The following CFAP45 variants were observed in gnomAD, a reference collection of about 807,000 sequenced individuals.
CFAP45 encodes cilia and flagella associated protein 45.
In CFAP45, 43 loss-of-function variants were observed where a neutral mutation model predicts 75.6. That is an observed-to-expected ratio of 0.57 (90% CI 0.45 to 0.73). The LOEUF (loss-of-function observed/expected upper bound fraction) is 0.73, where lower values mean the gene tolerates loss of function less well. CFAP45 is among the 30% of genes least tolerant of loss of function. The pLI is 0.00. For missense variants in CFAP45, 689 were observed against 701.5 expected (o/e 0.98, Z 0.20); for synonymous variants, 223 against 244.6 (o/e 0.91, Z 0.82).
chr1:159,887,162 A>G (rs1649708677), intron 5 of CFAP45, among the ~76,000 whole-genome samples: 1 of 152,214 alleles, frequency 6.6e-6, no homozygotes, highest in Non-Finnish European at 1.5e-5. Context: ...AAGATTTTTA[A>G]GCTGGAAGAG....
Position 159,899,923 on chromosome 1 carries a change from C to T in CFAP45, c.3+173G>A, listed in dbSNP as rs189543548. On this transcript the variant is annotated intron_variant, in intron 1 of 11. Coordinates refer to ENST00000368099, the MANE Select transcript of CFAP45 (RefSeq NM_012337.3). ...TCGTTATCGATGCTATCCCTAATTC[C>T]TCTTTTGAACCCACCTCAGGATCTC... 3 of 636,884 alleles carry T rather than the reference C, an allele frequency of 4.7e-6. No individual in the cohort carries two copies. In the Admixed American group the frequency reaches 9.4e-5, roughly 20 times the overall value. 39.5% of individuals were successfully genotyped at this position (636,884 alleles called of 1,614,324 possible).
chr1:159,887,712 T>C, intron 5 of CFAP45, 129 bp downstream of exon 5: 1 of 926,984 alleles, frequency 1.1e-6, no homozygotes, highest in East Asian at 2.6e-5. Flanking sequence ...CCACAGCAGG[T>C]GCAGCTCTCC....
intron 2 of CFAP45, among the ~76,000 whole-genome samples, chr1:159,891,195 C>A (rs1300429895): frequency 6.6e-6 from 1 of 152,196 alleles, no homozygotes; most frequent in East Asian, 1.9e-4. Flanking sequence ...AAGTAAATTT[C>A]TGTTCTCTAG....
rs1649732858 is a variant in CFAP45 at position 159,888,015 on chromosome 1, AG to A, written c.418-5del. On this transcript the variant is annotated splice_region_variant and splice_polypyrimidine_tract_variant and intron_variant, in intron 4 of 11. Transcript: ENST00000368099. ...TCTTTCGTGTCATCACTGCATCCTAAGGGAGACCAGTCTGGCTCAGTGGGAG... is the reference window on the plus strand; with the variant it reads ...TCTTTCGTGTCATCACTGCATCCTAAGGAGACCAGTCTGGCTCAGTGGGAG... 1 of 1,613,386 alleles carries A rather than the reference AG, an allele frequency of 6.2e-7. No homozygotes were observed. The highest frequency in any genetic ancestry group is 1.7e-5 in the Admixed American group (1 of 59,980).
chr1:159,893,813 T>A (rs1383060009), intron 1 of CFAP45, among the ~76,000 whole-genome samples: 1 of 152,028 alleles, frequency 6.6e-6, no homozygotes, highest in Non-Finnish European at 1.5e-5. Flanking sequence ...CAAGGTCTAG[T>A]ATTTGATAGC....
intron 10 of CFAP45, 60 bp from the exon 11 acceptor site, chr1:159,873,228 TGGTGGGGGAGCCTCCTG>T (rs957356060): frequency 2.5e-5 from 37 of 1,488,284 alleles, no homozygotes; most frequent in Middle Eastern, 3.7e-4. Context: ...CCAGGAAAGG[TGGTGGGGGAGCCTCCTG>T]GGTGGGCTCC....
Position 159,893,193 on chromosome 1 carries a change from A to G in CFAP45, c.116T>C (p.Phe39Ser), listed in dbSNP as rs769153821. The G allele has an allele frequency of 5.0e-6, 8 of 1,613,982 alleles. No homozygotes were observed. Among genetic ancestry groups the G allele is most frequent in the Non-Finnish European group, 6.8e-6 (8 of 1,179,880 alleles). The change falls in exon 2 of 12, where the codon TTT becomes TCT. Residue 39 changes from phenylalanine (F) to serine (S), a missense_variant. Transcript: ENST00000368099. The stretch of plus-strand genomic sequence containing the variant: ...GTTGAGGATTACCTTGATATCTCCA[A>G]AGAGGCTCTCATCCACCTCAGAGCT... Reference protein sequence around the residue: ...AVSSEVDESLFGDIKSPAQGQ... With the variant: ...AVSSEVDESLSGDIKSPAQGQ...
chr1:159,877,290 A>C lies in CFAP45; in HGVS notation c.1158+59T>G, dbSNP rs1557911245. ...CTCAAGGCCATTCTACAGGCTGTCA[A>C]AGGGATGGATAGGCAAGGGAGTGGG... is the stretch of plus-strand genomic sequence containing the variant. On this transcript the variant is annotated intron_variant, in intron 9 of 11. Transcript: ENST00000368099. 2.5e-6 allele frequency: 3 copies of C among 1,199,870 alleles called. No homozygotes were observed. The East Asian group carries it at 7.0e-5, about 28-fold the overall frequency. The allele number at this position is 1,199,870 out of a possible 1,614,324, so 74.3% of individuals were successfully genotyped here.
At chr1:159,876,827 A>G (rs1649417221) in intron 9 of CFAP45, 78 bp from the exon 10 acceptor site, 1 of 1,328,328 alleles carries the variant, frequency 7.5e-7, no homozygotes, top group South Asian at 1.2e-5. Context: ...GAAGATACCT[A>G]CTTACAGACT....
intron 1 of CFAP45, among the ~76,000 whole-genome samples, chr1:159,896,203 G>T (rs1571191122): frequency 6.6e-6 from 1 of 152,236 alleles, no homozygotes; most frequent in South Asian, 2.1e-4. Flanking sequence ...CAGACTGCAG[G>T]TTCCTCCAGG....
Position 159,893,103 on chromosome 1 carries a change from G to A in CFAP45, c.129+77C>T, listed in dbSNP as rs1571189322. On this transcript the variant is annotated intron_variant, in intron 2 of 11. Transcript: ENST00000368099. ...CCTACGAGAGCAAGGTTACTCAGCA[G>A]AAGCTTTGCCCTGAGCTACATTTTT... is the stretch of plus-strand genomic sequence containing the variant. The A allele has an allele frequency of 9.1e-6, 14 of 1,544,564 alleles. No homozygotes were observed. In the East Asian group the frequency reaches 3.0e-4, roughly 33 times the overall value.
intron 5 of CFAP45, 98 bp downstream of exon 5, chr1:159,887,740 CACA>C: frequency 1.6e-6 from 2 of 1,274,600 alleles, no homozygotes; most frequent in Admixed American, 2.2e-5. Flanking sequence ...CACCCCTGCC[CACA>C]CCCCCACCAG....
intron 7 of CFAP45, among the ~76,000 whole-genome samples, chr1:159,881,835 C>T (rs1265284696): frequency 6.6e-6 from 1 of 151,698 alleles, no homozygotes; most frequent in African/African-American, 2.4e-5. Flanking sequence ...GAACAGCTGG[C>T]CCCCCAATCA....
chr1:159,890,857 C>A (rs1649812546), intron 2 of CFAP45, among the ~76,000 whole-genome samples: 1 of 147,234 alleles, frequency 6.8e-6, no homozygotes, highest in African/African-American at 2.5e-5. Context: ...CTCCCGGGTT[C>A]AAGCAATTCT....
chr1:159,885,942 G>A (rs560565449), intron 6 of CFAP45, among the ~76,000 whole-genome samples: 88 of 152,330 alleles, frequency 5.8e-4, no homozygotes, highest in Middle Eastern at 3.4e-3. Flanking sequence ...GGCCTGGCAT[G>A]TTGGGGGCCT....
intron 8 of CFAP45, among the ~76,000 whole-genome samples, chr1:159,878,786 T>C (rs1649476574): frequency 6.0e-5 from 2 of 33,580 alleles, no homozygotes; most frequent in African/African-American, 9.7e-5. Context: ...AAAAAAACCT[T>C]CCTTGCCCTC....
chr1:159,888,609 T>C (rs1258846041), intron 3 of CFAP45, 113 bp from the exon 4 acceptor site: 2 of 984,872 alleles, frequency 2.0e-6, no homozygotes, highest in Non-Finnish European at 3.0e-6. Context: ...ACTCCCCCAA[T>C]GGCAGAAGAG....
At chr1:159,882,910 A>C (rs541969776) in intron 7 of CFAP45, among the ~76,000 whole-genome samples, 1 of 152,178 alleles carries the variant, frequency 6.6e-6, no homozygotes, top group African/African-American at 2.4e-5. Flanking sequence ...CATTGCCTTC[A>C]CCCTGCTATT....
chr1:159,893,403 G>C, intron 1 of CFAP45, 98 bp from the exon 2 acceptor site: 1 of 1,214,062 alleles, frequency 8.2e-7, no homozygotes, highest in Non-Finnish European at 1.2e-6. Context: ...GGAGTGGGTG[G>C]GCATGTGAAA....
Sources: gnomAD v4.1 joint callset for allele counts (sites outside exome capture counted in the v4.1 genomes callset) on GRCh38, gnomAD v4.1.1 for gene constraint, MANE v1.5 for transcripts, NCBI Gene and HGNC (gene_info 2026-07-23, HGNC 2026-07-21) for gene names.